MAF: variants seen among roughly 807,000 people sequenced by gnomAD.
MAF encodes transcription factor Maf.
Under a neutral mutation model 22.0 loss-of-function variants are expected in MAF, and 10 were observed. The observed-to-expected ratio is 0.45, with a 90% confidence interval of 0.28 to 0.77. MAF has a LOEUF of 0.77. Among genes scored for constraint, MAF ranks in the 30% least tolerant of loss-of-function variants. MAF has a pLI of 0.12. For missense variants in MAF, 544 were observed against 548.4 expected (o/e 0.99, Z 0.08); for synonymous variants, 337 against 255.8 (o/e 1.32, Z -3.03).
At chr16:79,244,433 G>A in the MAF span, among the ~76,000 whole-genome samples, 1 of 152,026 alleles carries the variant, frequency 6.6e-6, no homozygotes, top group Non-Finnish European at 1.5e-5. Flanking sequence ...TAGACAAACA[G>A]AGAGCCAAAT....
the MAF span, among the ~76,000 whole-genome samples, chr16:79,526,439 G>A: frequency 2.1e-4 from 32 of 152,250 alleles, no homozygotes; most frequent in Non-Finnish European, 3.2e-4. Flanking sequence ...GTATATACAC[G>A]TGAAGCTTTG....
At chr16:79,261,541 G>A in the MAF span, among the ~76,000 whole-genome samples, 1 of 152,192 alleles carries the variant, frequency 6.6e-6, no homozygotes, top group African/African-American at 2.4e-5. Context: ...GAGTAACTGT[G>A]AGTCTCTTCA....
chr16:79,258,238 C>T, the MAF span, among the ~76,000 whole-genome samples: 8 of 152,240 alleles, frequency 5.3e-5, no homozygotes, highest in Non-Finnish European at 8.8e-5. Flanking sequence ...CACCACAGTC[C>T]GGAAGTGCAT....
the MAF span, among the ~76,000 whole-genome samples, chr16:79,225,974 T>C: frequency 6.6e-6 from 1 of 152,178 alleles, no homozygotes; most frequent in South Asian, 2.1e-4. Context: ...AGTGTGGCAA[T>C]TCCTCAAGGA....
chr16:79,580,728 C>T, the MAF span, among the ~76,000 whole-genome samples: 7 of 152,128 alleles, frequency 4.6e-5, no homozygotes, highest in Non-Finnish European at 1.0e-4. Flanking sequence ...AACCTCCGAA[C>T]CTGCTTGGTA....
At chr16:79,412,636 C>A in the MAF span, among the ~76,000 whole-genome samples, 1 of 152,200 alleles carries the variant, frequency 6.6e-6, no homozygotes, top group Non-Finnish European at 1.5e-5. Context: ...TTGAGGAGCA[C>A]TGCTTCAAGC....
chr16:79,571,850 G>C, the MAF span, among the ~76,000 whole-genome samples: 1 of 152,022 alleles, frequency 6.6e-6, no homozygotes, highest in Non-Finnish European at 1.5e-5. Flanking sequence ...TCATTTCTTT[G>C]CAGGAAGTTT....
chr16:79,217,605 C>A, the MAF span, among the ~76,000 whole-genome samples: 565 of 152,252 alleles, frequency 3.7e-3, 4 homozygotes, highest in South Asian at 0.014. Flanking sequence ...GAGTTCTTCG[C>A]GCTCATCTGA....
chr16:79,211,894 G>A, the MAF span: 1 of 1,566,330 alleles, frequency 6.4e-7, no homozygotes, highest in Admixed American at 1.9e-5. Flanking sequence ...CTCCAACACA[G>A]ATCCGCAAGA....
At chr16:79,476,940 G>T in the MAF span, among the ~76,000 whole-genome samples, 1 of 152,050 alleles carries the variant, frequency 6.6e-6, no homozygotes, top group African/African-American at 2.4e-5. Context: ...TATCATCCAC[G>T]GCCATCTTAT....
the MAF span, chr16:79,206,680 T>C: frequency 1.4e-5 from 2 of 145,886 alleles, no homozygotes; most frequent in Admixed American, 6.7e-5. Context: ...CGTCTGCTGC[T>C]TCCCATCATT....
the MAF span, among the ~76,000 whole-genome samples, chr16:79,421,692 A>C: frequency 6.6e-6 from 1 of 151,268 alleles, no homozygotes; most frequent in Non-Finnish European, 1.5e-5. Flanking sequence ...GCTGGAGTGC[A>C]ATGGCACAAT....
the MAF span, among the ~76,000 whole-genome samples, chr16:79,238,247 C>A: frequency 6.6e-6 from 1 of 152,006 alleles, no homozygotes; most frequent in African/African-American, 2.4e-5. Context: ...AACTGAATGC[C>A]AGCTTTTCCC....
the MAF span, among the ~76,000 whole-genome samples, chr16:79,399,809 A>G: frequency 6.6e-6 from 1 of 152,318 alleles, no homozygotes; most frequent in South Asian, 2.1e-4. Context: ...CAGCTTGCCC[A>G]TGATGGTGCC....
the MAF span, among the ~76,000 whole-genome samples, chr16:79,556,051 G>A: frequency 1.3e-5 from 2 of 152,016 alleles, no homozygotes; most frequent in Non-Finnish European, 2.9e-5. Context: ...TTAGTTTAGT[G>A]ATGATTTGTT....
the MAF span, among the ~76,000 whole-genome samples, chr16:79,541,057 CTAT>C: frequency 6.6e-6 from 1 of 152,144 alleles, no homozygotes; most frequent in Admixed American, 6.5e-5. Context: ...ACCATTACTA[CTAT>C]TGACACGATT....
At chr16:79,390,114 G>A in the MAF span, among the ~76,000 whole-genome samples, 1 of 151,820 alleles carries the variant, frequency 6.6e-6, no homozygotes, top group Non-Finnish European at 1.5e-5. Context: ...CATTGGTGAT[G>A]GCATGTGCAA....
the MAF span, among the ~76,000 whole-genome samples, chr16:79,402,577 C>T: frequency 1.3e-5 from 2 of 152,200 alleles, no homozygotes; most frequent in South Asian, 4.1e-4. Flanking sequence ...AGGAGCAGGG[C>T]TGGCGTGCAG....
At chr16:79,526,766 A>C in the MAF span, among the ~76,000 whole-genome samples, 1 of 152,208 alleles carries the variant, frequency 6.6e-6, no homozygotes, top group Admixed American at 6.5e-5. Context: ...GGACAATTTC[A>C]AGCTACTTTT....
Sources: allele counts gnomAD v4.1 joint callset (sites outside exome capture counted in the v4.1 genomes callset), GRCh38; gene constraint gnomAD v4.1.1; transcripts MANE v1.5; gene names NCBI Gene and HGNC (gene_info 2026-07-23, HGNC 2026-07-21).